ADAM12: variants seen among roughly 807,000 people sequenced by gnomAD.
ADAM12 encodes the protein disintegrin and metalloproteinase domain-containing protein 12.
A neutral mutation model predicts 106.4 loss-of-function variants in ADAM12; 70 were observed. The ratio of observed to expected loss-of-function variants is 0.66; its 90% CI spans 0.54 to 0.80. The LOEUF (loss-of-function observed/expected upper bound fraction) is 0.80. ADAM12 is among the 30% of genes least tolerant of loss of function. The pLI, the probability that ADAM12 is intolerant of heterozygous loss-of-function variation, is 0.00. For synonymous variants in ADAM12, 420 were observed against 433.5 expected, an observed-to-expected ratio of 0.97 and a Z score of 0.39; for missense variants, 1,010 against 1,171.9, an observed-to-expected ratio of 0.86 and a Z score of 2.02.
intron 1 of ADAM12, among the ~76,000 whole-genome samples, chr10:126,339,391 C>CGA (rs1245486745): frequency 6.6e-6 from 1 of 152,164 alleles, no homozygotes; most frequent in Non-Finnish European, 1.5e-5. Flanking sequence ...CAATACCATC[C>CGA]ACATTCATCG....
At chr10:126,277,399 A>C (rs1196860330) in intron 3 of ADAM12, among the ~76,000 whole-genome samples, 1 of 152,152 alleles carries the variant, frequency 6.6e-6, no homozygotes, top group African/African-American at 2.4e-5. Flanking sequence ...CAATGGGAGC[A>C]GGTGCAATAA....
intron 2 of ADAM12, among the ~76,000 whole-genome samples, chr10:126,316,776 C>G (rs1465482346): frequency 7.0e-6 from 1 of 143,586 alleles, no homozygotes; most frequent in African/African-American, 2.6e-5. Context: ...AGAGTGAGAC[C>G]CTATCTCAAA....
intron 2 of ADAM12, among the ~76,000 whole-genome samples, chr10:126,287,326 A>G (rs1017423572): frequency 1.3e-5 from 2 of 152,144 alleles, no homozygotes; most frequent in African/African-American, 2.4e-5. Context: ...GGGTTGGAAG[A>G]GGGAAATGAA....
chr10:126,247,730 G>C (rs1221589223), intron 3 of ADAM12, among the ~76,000 whole-genome samples: 1 of 152,198 alleles, frequency 6.6e-6, no homozygotes, highest in Admixed American at 6.5e-5. Context: ...TGTCAGCCAT[G>C]AATAATGAAC....
rs199959225 is a variant in ADAM12 at position 126,358,225 on chromosome 10, AC to A, written c.89-27717del. Among the ~76,000 whole-genome samples the A allele has an allele frequency of 5.3e-3, 804 of 152,228 alleles. 11 individuals are homozygous for A. Among genetic ancestry groups the A allele is most frequent in the African/African-American group, 0.018 (766 of 41,544 alleles). On this transcript the variant is annotated intron_variant, in intron 1 of 22. Transcript: ENST00000448723. The stretch of plus-strand genomic sequence containing the variant: ...AATTACAGGCCAATATCCTTGTTAA[AC>A]ATACATGCAAAAATCCTTATCAAAA...
chr10:126,181,852 C>T (rs1192068445), intron 3 of ADAM12, among the ~76,000 whole-genome samples: 1 of 152,204 alleles, frequency 6.6e-6, no homozygotes, highest in Middle Eastern at 3.2e-3. Flanking sequence ...CCAATAGCCG[C>T]AGGAGCCCCT....
chr10:126,329,763 G>C (rs1854435299), intron 2 of ADAM12, among the ~76,000 whole-genome samples: 1 of 152,096 alleles, frequency 6.6e-6, no homozygotes, highest in Non-Finnish European at 1.5e-5. Flanking sequence ...TCTAAAAATA[G>C]TTCTATATAA....
At chr10:126,095,533 CAAAAAAAAAAAA>C (rs11396229) in intron 10 of ADAM12, among the ~76,000 whole-genome samples, 1 of 46,586 alleles carries the variant, frequency 2.1e-5, no homozygotes, top group Non-Finnish European at 3.4e-5. Context: ...GACTCTGTCT[CAAAAAAAAAAAA>C]AAAAAAAAAA....
intron 3 of ADAM12, among the ~76,000 whole-genome samples, chr10:126,205,575 T>C (rs2133827151): frequency 6.6e-6 from 1 of 152,364 alleles, no homozygotes; most frequent in African/African-American, 2.4e-5. Context: ...GATCTGTCTG[T>C]CACATAGAAT....
At chr10:126,103,901 C>T (rs2133586200) in intron 8 of ADAM12, among the ~76,000 whole-genome samples, 1 of 152,332 alleles carries the variant, frequency 6.6e-6, no homozygotes, top group Non-Finnish European at 1.5e-5. Context: ...TCGCTCCTGC[C>T]ACCCAAATGC....
rs1953726671 is a variant in ADAM12, at chr10:126,019,744, C to G, written c.2611G>C (p.Ala871Pro). 1 of 1,613,992 alleles carries G rather than the reference C, an allele frequency of 6.2e-7. No homozygotes were observed. The highest frequency in any genetic ancestry group is 1.3e-5 in the African/African-American group (1 of 74,912). Residue 871 changes from alanine (A) to proline (P), a missense_variant, in exon 22 of 23, where the codon GCC becomes CCC. Physicochemically the swap from Ala to Pro is conservative, Grantham distance 27 (BLOSUM62 -1). Around this residue, in one of 3 missense-constraint regions of ADAM12, gnomAD observed 615 missense variants for 708.5 expected, o/e 0.87. Coordinates refer to ENST00000448723, the MANE Select transcript of ADAM12 (RefSeq NM_001288973.2). Reference protein sequence around the residue: ...ARTTRLTHALARTPGQWETGL... With the variant: ...ARTTRLTHALPRTPGQWETGL... ...GTCTCCCATTGTCCTGGGGTCCTGG[C>G]CAAGGCATGAGTGAGCCGAGTTGTT...
intron 1 of ADAM12, among the ~76,000 whole-genome samples, 162 bp from the exon 2 acceptor site, chr10:126,330,671 T>A (rs186235218): frequency 1.3e-5 from 2 of 152,362 alleles, no homozygotes; most frequent in East Asian, 3.9e-4. Flanking sequence ...AACTGCTGAA[T>A]TCTCTGTCAA....
intron 1 of ADAM12, among the ~76,000 whole-genome samples, chr10:126,366,701 T>C (rs939126372): frequency 2.0e-5 from 3 of 152,134 alleles, no homozygotes; most frequent in South Asian, 4.1e-4. Flanking sequence ...AATATAGATA[T>C]ACTGAAAATT....
At chr10:126,045,783 T>C (rs1486027682) in intron 17 of ADAM12, among the ~76,000 whole-genome samples, 1 of 152,218 alleles carries the variant, frequency 6.6e-6, no homozygotes, top group African/African-American at 2.4e-5. Context: ...TGAAGGAAGG[T>C]TGCTTTTCAA....
intron 21 of ADAM12, among the ~76,000 whole-genome samples, chr10:126,034,191 T>C (rs1954017871): frequency 6.6e-6 from 1 of 152,228 alleles, no homozygotes; most frequent in Admixed American, 6.5e-5. Context: ...ACATACATAC[T>C]GTAATCTTTA....
intron 3 of ADAM12, among the ~76,000 whole-genome samples, chr10:126,244,280 C>T (rs776953342): frequency 1.3e-5 from 2 of 152,190 alleles, no homozygotes; most frequent in African/African-American, 2.4e-5. Flanking sequence ...ATCAGACAAT[C>T]GGGGAAAACC....
chr10:126,221,359 C>T (rs1263299282), intron 3 of ADAM12, among the ~76,000 whole-genome samples: 4 of 136,604 alleles, frequency 2.9e-5, no homozygotes, highest in Non-Finnish European at 4.6e-5. Flanking sequence ...CACTGGACTC[C>T]AGCCTGGGCA....
intron 3 of ADAM12, among the ~76,000 whole-genome samples, chr10:126,270,999 C>A (rs915497857): frequency 1.3e-5 from 2 of 152,188 alleles, no homozygotes; most frequent in Admixed American, 6.5e-5. Flanking sequence ...CTCATAGCTG[C>A]CAGCCACTGG....
intron 3 of ADAM12, among the ~76,000 whole-genome samples, chr10:126,193,645 C>A (rs1037409075): frequency 6.6e-6 from 1 of 152,070 alleles, no homozygotes; most frequent in African/African-American, 2.4e-5. Context: ...GCCTGTAATC[C>A]CAGAACTTTG....
Sources: gnomAD v4.1 joint callset for allele counts (sites outside exome capture counted in the v4.1 genomes callset) on GRCh38, gnomAD v4.1.1 for gene constraint, gnomAD v4.1.1 regional missense constraint, MANE v1.5 for transcripts, NCBI Gene and HGNC (gene_info 2026-07-23, HGNC 2026-07-21) for gene names.